Variants in NXPH1 observed in about 807,000 individuals in gnomAD.
The protein encoded by NXPH1 is neurexophilin 1.
Under a neutral mutation model 23.7 loss-of-function variants are expected in NXPH1, and 5 were observed. That is an observed-to-expected ratio of 0.21 (90% CI 0.11 to 0.44). The LOEUF is 0.44. Ranked by LOEUF, NXPH1 falls within the 20% of genes least tolerant of loss-of-function variation. NXPH1 has a pLI of 0.99. For synonymous variants in NXPH1, 144 were observed against 122.2 expected (o/e 1.18, Z -1.18); for missense variants, 324 against 321.6 (o/e 1.01, Z -0.06).
intron 2 of NXPH1, among the ~76,000 whole-genome samples, chr7:8,586,550 C>T (rs1319372960): frequency 6.6e-6 from 1 of 150,566 alleles, no homozygotes; most frequent in Non-Finnish European, 1.5e-5. Flanking sequence ...AGCCAAATAG[C>T]CAAGGTAGAA....
chr7:8,671,309 C>T (rs1394237188), intron 2 of NXPH1, among the ~76,000 whole-genome samples: 1 of 152,160 alleles, frequency 6.6e-6, no homozygotes, highest in Non-Finnish European at 1.5e-5. Flanking sequence ...ACCCAGCTGT[C>T]TTTGGCCATT....
intron 2 of NXPH1, among the ~76,000 whole-genome samples, chr7:8,694,868 A>C (rs1821280567): frequency 6.6e-6 from 1 of 152,210 alleles, no homozygotes; most frequent in Non-Finnish European, 1.5e-5. Context: ...AGTAAAAAAT[A>C]ACTGTTAAAT....
At chr7:8,645,287 C>A (rs943623852) in intron 2 of NXPH1, among the ~76,000 whole-genome samples, 3 of 152,024 alleles carry the variant, frequency 2.0e-5, no homozygotes, top group African/African-American at 7.2e-5. Flanking sequence ...TCCACAAGTT[C>A]TATGTCAAAG....
intron 2 of NXPH1, among the ~76,000 whole-genome samples, chr7:8,641,682 T>C (rs1305681093): frequency 6.6e-6 from 1 of 152,202 alleles, no homozygotes; most frequent in Admixed American, 6.5e-5. Flanking sequence ...GATGAGAATT[T>C]CCACCACTCC....
chr7:8,583,112 A>G (rs1023396233), intron 2 of NXPH1, among the ~76,000 whole-genome samples: 1 of 152,018 alleles, frequency 6.6e-6, no homozygotes, highest in Non-Finnish European at 1.5e-5. Context: ...AGCTGTGCTT[A>G]GGGATCTGCT....
intron 2 of NXPH1, among the ~76,000 whole-genome samples, chr7:8,734,714 G>A (rs4321902): frequency 0.14 from 20,752 of 152,032 alleles, 1,585 homozygotes; most frequent in South Asian, 0.19. Context: ...AGGTCCTCTC[G>A]GTCCAGAGCT....
intron 2 of NXPH1, among the ~76,000 whole-genome samples, chr7:8,746,341 C>G (rs1435050724): frequency 6.6e-6 from 1 of 152,162 alleles, no homozygotes; most frequent in East Asian, 1.9e-4. Context: ...ATGATGATTA[C>G]AGCTGAAACC....
chr7:8,628,286 C>G (rs749047281), intron 2 of NXPH1, among the ~76,000 whole-genome samples: 3 of 151,108 alleles, frequency 2.0e-5, no homozygotes, highest in Admixed American at 2.0e-4. Flanking sequence ...TATCTATCTT[C>G]GAAGTTTCAG....
chr7:8,600,452 C>G (rs996453201), intron 2 of NXPH1, among the ~76,000 whole-genome samples: 2 of 152,174 alleles, frequency 1.3e-5, no homozygotes, highest in African/African-American at 4.8e-5. Flanking sequence ...GATTGCATAA[C>G]TGAACCATCT....
chr7:8,464,602 C>A (rs2128607333), intron 2 of NXPH1, among the ~76,000 whole-genome samples: 1 of 152,290 alleles, frequency 6.6e-6, no homozygotes, highest in Non-Finnish European at 1.5e-5. Context: ...TCAAGAAGAT[C>A]TAGATTTGAA....
intron 2 of NXPH1, among the ~76,000 whole-genome samples, chr7:8,492,908 C>T (rs1817274477): frequency 6.6e-6 from 1 of 151,928 alleles, no homozygotes; most frequent in Admixed American, 6.6e-5. Context: ...CCAGAGTGTT[C>T]TAAGTGAAAG....
chr7:8,464,849 A>G (rs1241473078), intron 2 of NXPH1, among the ~76,000 whole-genome samples: 1 of 152,108 alleles, frequency 6.6e-6, no homozygotes, highest in African/African-American at 2.4e-5. Context: ...ACTCATTGGG[A>G]TGGCATCCTT....
At chr7:8,577,680 G>A (rs1421058051) in intron 2 of NXPH1, among the ~76,000 whole-genome samples, 1 of 152,118 alleles carries the variant, frequency 6.6e-6, no homozygotes, top group East Asian at 1.9e-4. Context: ...GCTCCTTACC[G>A]CCTGATACTG....
intron 2 of NXPH1, among the ~76,000 whole-genome samples, chr7:8,705,807 G>T (rs1387328022): frequency 3.3e-5 from 5 of 152,132 alleles, no homozygotes; most frequent in Non-Finnish European, 7.4e-5. Context: ...TCAGGGCTAT[G>T]TCAACATTTC....
intron 2 of NXPH1, among the ~76,000 whole-genome samples, chr7:8,483,546 C>T (rs116935622): frequency 0.028 from 4,189 of 152,042 alleles, 91 homozygotes; most frequent in Middle Eastern, 0.044. Flanking sequence ...TGGGCTCAAG[C>T]GATCTACCCA....
intron 2 of NXPH1, among the ~76,000 whole-genome samples, chr7:8,724,977 C>T (rs1240594081): frequency 2.0e-5 from 3 of 152,150 alleles, no homozygotes; most frequent in Non-Finnish European, 4.4e-5. Context: ...CATCTGATTC[C>T]AAATCTGGCA....
rs1816166661 is a variant in NXPH1, at chr7:8,435,118, C to G, written c.-111+363C>G. On this transcript the variant is annotated intron_variant, in intron 1 of 2. Coordinates refer to ENST00000405863, the MANE Select transcript of NXPH1 (RefSeq NM_152745.3). The surrounding 1 kb of genome is among the most constrained non-coding windows in gnomAD (Gnocchi z 5.9). ...CCTAATCGCGGTCAGTTCTACCTACCTCTTCCTCTCACCGCGCCCCCCTCG... is the reference window on the plus strand; with the variant it reads ...CCTAATCGCGGTCAGTTCTACCTACGTCTTCCTCTCACCGCGCCCCCCTCG... 1 of 159,172 alleles carries G rather than the reference C, an allele frequency of 6.3e-6. No homozygotes were observed. The highest frequency in any genetic ancestry group is 6.1e-5 in the Admixed American group (1 of 16,278). The allele number at this position is 159,172 out of a possible 1,614,324, so 9.9% of individuals were successfully genotyped here.
intron 2 of NXPH1, among the ~76,000 whole-genome samples, chr7:8,689,354 G>A (rs907746513): frequency 1.3e-5 from 2 of 151,562 alleles, no homozygotes; most frequent in Non-Finnish European, 2.9e-5. Flanking sequence ...CAGTCAGCTC[G>A]CTGGCAGGAA....
At chr7:8,578,885 G>C (rs572894102) in intron 2 of NXPH1, among the ~76,000 whole-genome samples, 1 of 152,294 alleles carries the variant, frequency 6.6e-6, no homozygotes, top group Admixed American at 6.5e-5. Context: ...AGTGTGGTAG[G>C]TAAAGATGAG....
Sources: gnomAD v4.1 joint callset for allele counts (sites outside exome capture counted in the v4.1 genomes callset) on GRCh38, gnomAD v4.1.1 for gene constraint, Gnocchi (gnomAD v3.1) non-coding constraint, MANE v1.5 for transcripts, NCBI Gene and HGNC (gene_info 2026-07-23, HGNC 2026-07-21) for gene names.